The following SHROOM4 variants were observed in gnomAD, a reference collection of about 807,000 sequenced individuals.
SHROOM4 encodes shroom family member 4, also known as protein Shroom4.
SHROOM4 carries 17 observed loss-of-function variants against 80.3 expected under a neutral mutation model. That is an observed-to-expected ratio of 0.21 (90% CI 0.14 to 0.32). The LOEUF is 0.32. Among genes scored for constraint, SHROOM4 ranks in the 10% least tolerant of loss-of-function variants. The probability of loss-of-function intolerance (pLI) is 1.00; values close to 1 mark genes in which losing one functional copy is unlikely to be tolerated. For synonymous variants in SHROOM4, 400 were observed against 437.5 expected (o/e 0.91, Z 1.07); for missense variants, 993 against 1,140.3 (o/e 0.87, Z 1.86).
chrX:50,756,602 C>T (rs189306923), intron 1 of SHROOM4, among the ~76,000 whole-genome samples: 1 of 112,272 alleles, frequency 8.9e-6, no homozygotes, highest in East Asian at 2.8e-4. Context: ...CACCATTTTG[C>T]ATTCGTATCA....
rs1557246476 is a variant in SHROOM4 at position 50,596,003 on chromosome X, G to A, written c.*692C>T. On this transcript the variant is annotated 3_prime_UTR_variant, in exon 9 of 9. Transcript: ENST00000376020. ...GGAAAGATGAAACAAGAGGTGGTAG[G>A]ACCAAAGTCTTAGGACAGGAAGAGG... The A allele has an allele frequency of 6.1e-6, 2 of 327,666 alleles. No individual in the cohort carries two copies. The highest frequency in any genetic ancestry group is 5.3e-5 in the African/African-American group (2 of 37,615). The allele number at this position is 327,666 out of a possible 1,213,427, so 27.0% of individuals were successfully genotyped here.
intron 1 of SHROOM4, among the ~76,000 whole-genome samples, chrX:50,768,941 T>C (rs1474127973): frequency 8.9e-6 from 1 of 111,818 alleles, no homozygotes; most frequent in East Asian, 2.8e-4. Context: ...TCTTGAACTC[T>C]CAGGAAACTA....
chrX:50,620,384 T>C (rs183076399), intron 5 of SHROOM4, among the ~76,000 whole-genome samples: 42 of 112,222 alleles, frequency 3.7e-4, no homozygotes, highest in Non-Finnish European at 6.9e-4. Context: ...TTCTATTTTG[T>C]TCCAAGATGA....
intron 1 of SHROOM4, among the ~76,000 whole-genome samples, chrX:50,767,700 T>C (rs1935307981): frequency 8.9e-6 from 1 of 111,897 alleles, no homozygotes; most frequent in Non-Finnish European, 1.9e-5. Context: ...AAAAAATGGT[T>C]TTGCTTTAAT....
chrX:50,599,206 A>G (rs1557247299), intron 7 of SHROOM4, among the ~76,000 whole-genome samples: 1 of 111,135 alleles, frequency 9.0e-6, no homozygotes, highest in Non-Finnish European at 1.9e-5. Context: ...CTAGGTTGGA[A>G]AAGCATTTGC....
At chrX:50,805,755 A>T (rs1936213974) in intron 1 of SHROOM4, among the ~76,000 whole-genome samples, 1 of 111,876 alleles carries the variant, frequency 8.9e-6, no homozygotes, top group African/African-American at 3.3e-5. Flanking sequence ...GAGCCAAAGT[A>T]GCATGCCATG....
At chrX:50,597,848 AT>A (rs1437098742) in intron 8 of SHROOM4, among the ~76,000 whole-genome samples, 1 of 109,631 alleles carries the variant, frequency 9.1e-6, no homozygotes, top group African/African-American at 3.3e-5. Context: ...TATTATTATT[AT>A]TTTTTTTGAG....
intron 1 of SHROOM4, among the ~76,000 whole-genome samples, chrX:50,773,372 C>T (rs1252652303): frequency 8.9e-6 from 1 of 111,929 alleles, no homozygotes; most frequent in Non-Finnish European, 1.9e-5. Flanking sequence ...CCTTATTCAC[C>T]ATGAGGTCAT....
In SHROOM4 at chrX:50,595,095, AAG is replaced by A. The variant is rs1929042791; in HGVS notation, c.*1598_*1599del. On this transcript the variant is annotated 3_prime_UTR_variant, in exon 9 of 9. Coordinates refer to ENST00000376020, the MANE Select transcript of SHROOM4 (RefSeq NM_020717.5). The stretch of plus-strand genomic sequence containing the variant: ...CCCTGAGGAACTCAGCAGTAACTAG[AAG>A]AGATGCCAGGCCTTGGCTGGGTTGT... 1 of 112,714 alleles carries A rather than the reference AAG, an allele frequency of 8.9e-6. No homozygotes were observed. The highest frequency in any genetic ancestry group is 3.2e-5 in the African/African-American group (1 of 30,881). The allele number at this position is 112,714 out of a possible 1,213,427, so 9.3% of individuals were successfully genotyped here.
downstream of SHROOM4, among the ~76,000 whole-genome samples, chrX:50,584,895 T>C (rs1292686526): frequency 9.0e-6 from 1 of 111,264 alleles, no homozygotes; most frequent in Non-Finnish European, 1.9e-5. Flanking sequence ...TGAAAAAATA[T>C]GAACTGGAGA....
chrX:50,704,632 A>C (rs1430555767), intron 1 of SHROOM4, among the ~76,000 whole-genome samples: 1 of 112,010 alleles, frequency 8.9e-6, no homozygotes, highest in Non-Finnish European at 1.9e-5. Flanking sequence ...GTCATTTCTG[A>C]CTGGAAAAGG....
At chrX:50,638,377 C>T (rs1442600648) in intron 2 of SHROOM4, 69 bp from the exon 3 acceptor site, 13 of 1,159,346 alleles carry the variant, frequency 1.1e-5, no homozygotes, top group South Asian at 3.7e-5. Flanking sequence ...AGGCAGCTTC[C>T]GCCCCACCCC....
chrX:50,654,640 C>T (rs782206399), intron 2 of SHROOM4, among the ~76,000 whole-genome samples: 4 of 110,307 alleles, frequency 3.6e-5, no homozygotes, highest in East Asian at 2.8e-4. Flanking sequence ...ATTTCCAGAA[C>T]GTACTCCTCT....
chrX:50,695,644 G>A, intron 2 of SHROOM4, 142 bp downstream of exon 2: 2 of 648,977 alleles, frequency 3.1e-6, no homozygotes, highest in Non-Finnish European at 4.9e-6. Flanking sequence ...GTGCTATTCT[G>A]CTTCAGTTGT....
chrX:50,672,346 T>C (rs1453981161), intron 2 of SHROOM4, among the ~76,000 whole-genome samples: 2 of 111,955 alleles, frequency 1.8e-5, no homozygotes, highest in African/African-American at 3.2e-5. Flanking sequence ...AAACCTTCAA[T>C]TTGTAAAAAC....
At chrX:50,656,789 T>C (rs1054109756) in intron 2 of SHROOM4, among the ~76,000 whole-genome samples, 1 of 110,616 alleles carries the variant, frequency 9.0e-6, no homozygotes, top group Non-Finnish European at 1.9e-5. Context: ...AAAAATGTAG[T>C]TGGAATTTTG....
intron 4 of SHROOM4, among the ~76,000 whole-genome samples, chrX:50,630,648 C>T (rs1335417221): frequency 1.8e-5 from 2 of 111,358 alleles, no homozygotes; most frequent in Non-Finnish European, 3.8e-5. Context: ...ATACCCAGCA[C>T]CTAGATTCTA....
chrX:50,726,247 A>G (rs1934240475), intron 1 of SHROOM4, among the ~76,000 whole-genome samples: 1 of 112,314 alleles, frequency 8.9e-6, no homozygotes, highest in African/African-American at 3.2e-5. Context: ...TGCATTCACA[A>G]AAAGATGATT....
intron 1 of SHROOM4, among the ~76,000 whole-genome samples, chrX:50,739,563 C>CA (rs1557267047): frequency 9.0e-6 from 1 of 111,054 alleles, no homozygotes; most frequent in African/African-American, 3.3e-5. Flanking sequence ...TTTATGCAGC[C>CA]AAAAAACACA....
Sources: gnomAD v4.1 joint callset for allele counts (sites outside exome capture counted in the v4.1 genomes callset) on GRCh38, gnomAD v4.1.1 for gene constraint, MANE v1.5 for transcripts, NCBI Gene and HGNC (gene_info 2026-07-23, HGNC 2026-07-21) for gene names.